STIM1: variants seen among roughly 807,000 people sequenced by gnomAD.
STIM1 encodes stromal interaction molecule 1.
Under a neutral mutation model 74.7 loss-of-function variants are expected in STIM1, and 25 were observed. The observed-to-expected ratio is 0.33, with a 90% CI of 0.24 to 0.47. The LOEUF (loss-of-function observed/expected upper bound fraction) is 0.47, where lower values mean the gene tolerates loss of function less well. STIM1 is among the 20% of genes least tolerant of loss of function. The pLI is 1.00. For synonymous variants in STIM1, 328 were observed against 348.8 expected (o/e 0.94, Z 0.66); for missense variants, 728 against 920.8 (o/e 0.79, Z 2.71).
At chr11:3,862,344 A>T (rs1001756602) in intron 1 of STIM1, among the ~76,000 whole-genome samples, 2 of 152,054 alleles carry the variant, frequency 1.3e-5, no homozygotes, top group African/African-American at 4.8e-5. Context: ...TGAAACAGGG[A>T]ATGGACAGGT....
At chr11:3,951,953 A>G (rs542785197) in intron 1 of STIM1, among the ~76,000 whole-genome samples, 1 of 152,188 alleles carries the variant, frequency 6.6e-6, no homozygotes, top group African/African-American at 2.4e-5. Context: ...AAGCTTTAGT[A>G]TATAAAGACC....
intron 11 of STIM1, 139 bp from the exon 12 acceptor site, chr11:4,086,338 G>C (rs1262243918): frequency 2.1e-6 from 2 of 933,688 alleles, no homozygotes; most frequent in Non-Finnish European, 3.2e-6. Context: ...GGAGGTTTCT[G>C]GGAGGAGGTG....
intron 2 of STIM1, among the ~76,000 whole-genome samples, chr11:4,013,793 C>A (rs2093866615): frequency 6.7e-6 from 1 of 148,568 alleles, no homozygotes; most frequent in South Asian, 2.1e-4. Context: ...CAAGCTCCTC[C>A]TCCCGGTTTC....
At chr11:3,980,369 A>C (rs763409) in intron 2 of STIM1, among the ~76,000 whole-genome samples, 1 of 152,112 alleles carries the variant, frequency 6.6e-6, no homozygotes, top group Non-Finnish European at 1.5e-5. Flanking sequence ...TTCATGTTAT[A>C]CTGTATTTCC....
Position 3,893,365 on chromosome 11 carries a change from C to T in STIM1, c.139+36956C>T, listed in dbSNP as rs114398693. Among the ~76,000 whole-genome samples the T allele has an allele frequency of 2.5e-3, 384 of 152,254 alleles. 4 individuals carry two copies. Among genetic ancestry groups the T allele is most frequent in the African/African-American group, 9.0e-3 (375 of 41,526 alleles). ...AGCCTAATGGAAATTGTACATTTAC[C>T]TACAATAAAAGTGTCTTTGATTTTG... On this transcript the variant is annotated intron_variant, in intron 1 of 12. Transcript: ENST00000526596.
In STIM1 at chr11:3,883,864, C is replaced by T. The variant is rs902059644; in HGVS notation, c.139+27455C>T. Among the ~76,000 whole-genome samples, 4 of 152,220 alleles carry T rather than the reference C, an allele frequency of 2.6e-5. No individual in the cohort carries two copies. The East Asian group carries it at 5.8e-4, about 22-fold the overall frequency. ...CCATCACTGTAGGAGGGATCAGTTG[C>T]GGGCTGTACTAGATGTATTCATATA... On this transcript the variant is annotated intron_variant, in intron 1 of 12. Transcript: ENST00000526596.
At chr11:3,954,925 T>G (rs1169424064) in intron 1 of STIM1, among the ~76,000 whole-genome samples, 1 of 152,190 alleles carries the variant, frequency 6.6e-6, no homozygotes. Context: ...TGAAAACATA[T>G]GTTCATACAA....
intron 2 of STIM1, among the ~76,000 whole-genome samples, chr11:3,984,421 A>G (rs2093538266): frequency 6.6e-6 from 1 of 152,158 alleles, no homozygotes; most frequent in South Asian, 2.1e-4. Flanking sequence ...TTTGGACAGA[A>G]CAGAGATAGC....
At chr11:3,985,777 C>T (rs757438376) in intron 2 of STIM1, among the ~76,000 whole-genome samples, 4 of 152,208 alleles carry the variant, frequency 2.6e-5, no homozygotes, top group Non-Finnish European at 5.9e-5. Context: ...GCCCTGCTTC[C>T]CTTCAGACCT....
At chr11:4,083,111 C>T in intron 9 of STIM1, 129 bp downstream of exon 9, 1 of 1,171,804 alleles carries the variant, frequency 8.5e-7, no homozygotes, top group South Asian at 1.3e-5. Flanking sequence ...CTGCCTCAGC[C>T]TTTATTTATC....
intron 1 of STIM1, among the ~76,000 whole-genome samples, chr11:3,941,665 TATATATATAG>T (rs1158847150): frequency 1.8e-5 from 1 of 56,948 alleles, no homozygotes; most frequent in African/African-American, 5.1e-5. Context: ...TATATATATA[TATATATATAG>T]AGAGAGAGAG....
chr11:3,905,803 A>AT (rs557623354), intron 1 of STIM1, among the ~76,000 whole-genome samples: 68 of 151,826 alleles, frequency 4.5e-4, no homozygotes, highest in African/African-American at 1.4e-3. Flanking sequence ...TCCCAGTGCT[A>AT]TTTTTTTTCC....
chr11:4,086,942 C>T (rs755961914), intron 12 of STIM1: 1 of 1,475,630 alleles, frequency 6.8e-7, no homozygotes, highest in Middle Eastern at 1.8e-4. Context: ...CCAGCTGCTG[C>T]TTGATCAACT....
intron 1 of STIM1, among the ~76,000 whole-genome samples, chr11:3,881,796 G>A (rs972830130): frequency 2.6e-5 from 4 of 151,862 alleles, no homozygotes; most frequent in Admixed American, 2.6e-4. Context: ...TGATTCTCCT[G>A]CCTGTAGCTG....
At chr11:4,086,954 T>G in intron 12 of STIM1, 1 of 1,452,826 alleles carries the variant, frequency 6.9e-7, no homozygotes, top group South Asian at 1.4e-5. Flanking sequence ...TGATCAACTC[T>G]GGGGGTGTGT....
chr11:3,925,971 T>C (rs2135541735), intron 1 of STIM1, among the ~76,000 whole-genome samples: 1 of 152,332 alleles, frequency 6.6e-6, no homozygotes, highest in East Asian at 1.9e-4. Flanking sequence ...TTTTGCCAAC[T>C]TATTGTTTGA....
At chr11:4,005,842 A>C (rs1004077977) in intron 2 of STIM1, among the ~76,000 whole-genome samples, 1 of 152,202 alleles carries the variant, frequency 6.6e-6, no homozygotes, top group Non-Finnish European at 1.5e-5. Context: ...TGCCTTGAGC[A>C]ACAGCTTCTG....
intron 3 of STIM1, among the ~76,000 whole-genome samples, chr11:4,041,699 C>T (rs1285077591): frequency 1.3e-5 from 2 of 151,988 alleles, no homozygotes; most frequent in Non-Finnish European, 2.9e-5. Flanking sequence ...AGGTGATCCT[C>T]CCACCTCAGC....
chr11:3,973,460 T>G (rs529354203), intron 2 of STIM1: 100 of 296,228 alleles, frequency 3.4e-4, no homozygotes, highest in African/African-American at 2.1e-3. Flanking sequence ...AGTGCAGTGG[T>G]GTGAACACAG....
Sources: allele counts gnomAD v4.1 joint callset (sites outside exome capture counted in the v4.1 genomes callset), GRCh38; gene constraint gnomAD v4.1.1; transcripts MANE v1.5; gene names NCBI Gene and HGNC (gene_info 2026-07-23, HGNC 2026-07-21).